EYA4: variants seen among roughly 807,000 people sequenced by gnomAD.
The protein encoded by EYA4 is protein phosphatase EYA4.
EYA4 carries 31 observed loss-of-function variants against 87.9 expected under a neutral mutation model. The observed-to-expected ratio is 0.35, with a 90% confidence interval of 0.27 to 0.48. The LOEUF is 0.48. Ranked by LOEUF, EYA4 falls within the 20% of genes least tolerant of loss-of-function variation. EYA4 has a pLI of 0.99. For missense variants in EYA4, 678 were observed against 761.4 expected (o/e 0.89, Z 1.29); for synonymous variants, 263 against 270.6 (o/e 0.97, Z 0.28).
intron 2 of EYA4, among the ~76,000 whole-genome samples, chr6:133,366,800 T>G (rs1784885455): frequency 1.3e-5 from 2 of 152,250 alleles, no homozygotes; most frequent in Non-Finnish European, 2.9e-5. Flanking sequence ...AGTTTTGATT[T>G]CATGTGGTCT....
chr6:133,264,311 GT>G (rs1456461177), intron 1 of EYA4, among the ~76,000 whole-genome samples: 1 of 152,262 alleles, frequency 6.6e-6, no homozygotes, highest in African/African-American at 2.4e-5. Flanking sequence ...ATGGCTGCAG[GT>G]AGGACTGATT....
chr6:133,321,766 A>G (rs1420241180), intron 2 of EYA4, among the ~76,000 whole-genome samples: 1 of 152,124 alleles, frequency 6.6e-6, no homozygotes, highest in East Asian at 1.9e-4. Flanking sequence ...ATCTTTTCAC[A>G]TTAGATGAAA....
At chr6:133,357,270 C>CAAAAAAAA (rs754202361) in intron 2 of EYA4, among the ~76,000 whole-genome samples, 17 of 65,294 alleles carry the variant, frequency 2.6e-4, no homozygotes, top group African/African-American at 9.9e-4. Context: ...GACTCCGTCT[C>CAAAAAAAA]AAAAAAAAAA....
At chr6:133,396,221 T>A (rs1318612264) in intron 3 of EYA4, among the ~76,000 whole-genome samples, 3 of 152,208 alleles carry the variant, frequency 2.0e-5, no homozygotes, top group Non-Finnish European at 4.4e-5. Flanking sequence ...TTGTCAAAAT[T>A]CCATACCTGT....
At chr6:133,489,154 G>A (rs1473433653) in intron 13 of EYA4, among the ~76,000 whole-genome samples, 2 of 152,058 alleles carry the variant, frequency 1.3e-5, no homozygotes, top group Non-Finnish European at 2.9e-5. Context: ...TGATAAAGCA[G>A]AAAAAAGAAT....
chr6:133,250,951 G>A (rs973691822), intron 1 of EYA4, among the ~76,000 whole-genome samples: 43 of 152,064 alleles, frequency 2.8e-4, no homozygotes, highest in African/African-American at 9.2e-4. Flanking sequence ...TTTTTGGGGG[G>A]CTATGGATTG....
At chr6:133,362,828 T>C (rs910321854) in intron 2 of EYA4, among the ~76,000 whole-genome samples, 9 of 152,214 alleles carry the variant, frequency 5.9e-5, no homozygotes, top group Admixed American at 6.5e-5. Flanking sequence ...TCTCTGCCCC[T>C]GATTCCCCCT....
chr6:133,343,266 A>C (rs1377799029), intron 2 of EYA4, among the ~76,000 whole-genome samples: 1 of 152,176 alleles, frequency 6.6e-6, no homozygotes, highest in East Asian at 1.9e-4. Context: ...TGACTCCTCA[A>C]CTGTATTTAC....
intron 3 of EYA4, among the ~76,000 whole-genome samples, chr6:133,390,565 T>C (rs1787170674): frequency 6.6e-6 from 1 of 152,194 alleles, no homozygotes; most frequent in African/African-American, 2.4e-5. Context: ...TTGAGTCTCA[T>C]TTTGTATTCT....
At chr6:133,456,293 C>G (rs1325522485) in intron 5 of EYA4, among the ~76,000 whole-genome samples, 1 of 152,078 alleles carries the variant, frequency 6.6e-6, no homozygotes, top group Non-Finnish European at 1.5e-5. Context: ...ATTAAAAATA[C>G]AAATATGTGT....
chr6:133,477,582 A>G (rs907876847), intron 11 of EYA4, among the ~76,000 whole-genome samples: 1 of 152,014 alleles, frequency 6.6e-6, no homozygotes, highest in African/African-American at 2.4e-5. Flanking sequence ...TGACTCTTTT[A>G]TAAGTAGAAG....
At chr6:133,329,920 A>G (rs777629658) in intron 2 of EYA4, among the ~76,000 whole-genome samples, 2 of 152,072 alleles carry the variant, frequency 1.3e-5, no homozygotes, top group African/African-American at 4.8e-5. Context: ...AAGGAACATG[A>G]TTTGTCAGAA....
chr6:133,287,011 T>C lies in EYA4; in HGVS notation c.33+12198T>C, dbSNP rs79666025. On this transcript the variant is annotated intron_variant, in intron 2 of 19. Transcript: ENST00000355286. ...TCCTTTGTTGTGACAATAAAAAATG[T>C]CTTGAGACATTGCCAAATGTCTTCT... 7.8e-3 allele frequency among the ~76,000 whole-genome samples: 1,189 copies of C among 152,226 alleles called. 14 individuals are homozygous for C. The highest frequency in any genetic ancestry group is 0.027 in the African/African-American group (1,117 of 41,532).
chr6:133,343,278 AG>A (rs1173993730), intron 2 of EYA4, among the ~76,000 whole-genome samples: 2 of 152,216 alleles, frequency 1.3e-5, no homozygotes, highest in South Asian at 4.1e-4. Flanking sequence ...TGTATTTACC[AG>A]GATGACCCTG....
intron 3 of EYA4, among the ~76,000 whole-genome samples, chr6:133,422,205 T>C (rs1212661008): frequency 6.6e-6 from 1 of 152,142 alleles, no homozygotes; most frequent in African/African-American, 2.4e-5. Flanking sequence ...GTCTCTATAC[T>C]CCTCTGAGAT....
At chr6:133,524,104 A>G (rs1800420875) in intron 18 of EYA4, among the ~76,000 whole-genome samples, 1 of 152,146 alleles carries the variant, frequency 6.6e-6, no homozygotes, top group Non-Finnish European at 1.5e-5. Flanking sequence ...CATAAGCACT[A>G]CAGTTCAGAG....
chr6:133,328,038 AG>A (rs1351877948), intron 2 of EYA4, among the ~76,000 whole-genome samples: 7 of 152,218 alleles, frequency 4.6e-5, no homozygotes, highest in Admixed American at 4.6e-4. Flanking sequence ...AATAAGTTAG[AG>A]TCTTTGGGAA....
intron 1 of EYA4, among the ~76,000 whole-genome samples, chr6:133,262,403 A>G (rs1280464924): frequency 6.6e-6 from 1 of 152,230 alleles, no homozygotes; most frequent in East Asian, 1.9e-4. Flanking sequence ...TAGGAGTAAC[A>G]CAAGAGAAGG....
chr6:133,456,627 C>T lies in EYA4; in HGVS notation c.349C>T (p.Leu117Phe), dbSNP rs1044216762. Residue 117 changes from leucine (L) to phenylalanine (F), a missense_variant, in exon 6 of 20, where the codon CTT becomes TTT. Leu to Phe is a conservative substitution (Grantham distance 22). Transcript: ENST00000355286. ...ETTATTGDGALDTFTGSVITS... is the reference protein window; with the variant it reads ...ETTATTGDGAFDTFTGSVITS... ...CACAGCCACGACTGGAGATGGAGCG[C>T]TTGACACTTTTACTGGGTCAGGTAA... 58 of 1,613,032 alleles carry T rather than the reference C, an allele frequency of 3.6e-5. No homozygotes were observed. The highest frequency in any genetic ancestry group is 4.8e-5 in the Non-Finnish European group (57 of 1,179,172).
Sources: allele counts gnomAD v4.1 joint callset (sites outside exome capture counted in the v4.1 genomes callset), GRCh38; gene constraint gnomAD v4.1.1; transcripts MANE v1.5; gene names NCBI Gene and HGNC (gene_info 2026-07-23, HGNC 2026-07-21).